The following PFDN1 variants were observed in gnomAD, a reference collection of about 807,000 sequenced individuals.
PFDN1 encodes prefoldin 1.
PFDN1 carries 6 observed loss-of-function variants against 17.3 expected under a neutral mutation model. The observed-to-expected ratio is 0.35, with a 90% CI of 0.19 to 0.69. The LOEUF (loss-of-function observed/expected upper bound fraction) is 0.69. Among genes scored for constraint, PFDN1 ranks in the 30% least tolerant of loss-of-function variants. The probability of loss-of-function intolerance (pLI) is 0.65; values close to 1 mark genes in which losing one functional copy is unlikely to be tolerated. For missense variants in PFDN1, 113 were observed against 146.2 expected, an observed-to-expected ratio of 0.77 and a Z score of 1.17; for synonymous variants, 58 against 50.1, an observed-to-expected ratio of 1.16 and a Z score of -0.67.
intron 2 of PFDN1, among the ~76,000 whole-genome samples, chr5:140,287,515 A>T (rs557316431): frequency 6.6e-6 from 1 of 152,296 alleles, no homozygotes; most frequent in African/African-American, 2.4e-5. Context: ...TCTCCAATAA[A>T]AGGAATCAGG....
At position 140,280,468 on chromosome 5, in the gene PFDN1, C is replaced by T. The variant is rs138751345; in HGVS notation, c.285+981G>A. Reference sequence around the variant, plus strand: ...TTTTTTGTCTTGTTTTTACAATACACTTTTCTAAGCTGCAAATCTATTATC... The same window carrying T: ...TTTTTTGTCTTGTTTTTACAATACATTTTTCTAAGCTGCAAATCTATTATC... On this transcript the variant is annotated intron_variant, in intron 3 of 3. Transcript: ENST00000261813. Among the ~76,000 whole-genome samples the T allele has an allele frequency of 1.7e-3, 263 of 152,268 alleles. 2 individuals carry two copies. Among genetic ancestry groups the T allele is most frequent in the African/African-American group, 6.0e-3 (250 of 41,534 alleles).
At chr5:140,291,677 A>G (rs1213902442) in intron 2 of PFDN1, among the ~76,000 whole-genome samples, 1 of 151,858 alleles carries the variant, frequency 6.6e-6, no homozygotes, top group African/African-American at 2.4e-5. Context: ...GACAAAAAAA[A>G]AGAAAAAAAA....
At chr5:140,286,749 G>C (rs897534774) in intron 2 of PFDN1, among the ~76,000 whole-genome samples, 7 of 151,876 alleles carry the variant, frequency 4.6e-5, no homozygotes, top group African/African-American at 1.7e-4. Context: ...AGGATTATGG[G>C]TGCCTGCCAC....
rs114592926 is a variant in PFDN1, at chr5:140,302,025, C to T, written c.33+1016G>A. ...ACACATAATATCCTCACAACACTAA[C>T]AAAAGCTTCATTTGTTAGAAGCAAC... On this transcript the variant is annotated intron_variant, in intron 1 of 3. Transcript: ENST00000261813. 2.3e-3 allele frequency among the ~76,000 whole-genome samples: 347 copies of T among 152,314 alleles called. 2 individuals are homozygous for T. Among genetic ancestry groups the T allele is most frequent in the Middle Eastern group, 3.4e-3 (1 of 294 alleles).
At chr5:140,287,220 C>T (rs1034819882) in intron 2 of PFDN1, among the ~76,000 whole-genome samples, 2 of 152,068 alleles carry the variant, frequency 1.3e-5, no homozygotes, top group African/African-American at 4.8e-5. Context: ...TGGTAGGAGC[C>T]GGGTTTCTCA....
chr5:140,249,150 G>A (rs560427379), intron 3 of PFDN1, among the ~76,000 whole-genome samples: 6 of 152,356 alleles, frequency 3.9e-5, no homozygotes, highest in African/African-American at 1.4e-4. Flanking sequence ...GGCACCTGTT[G>A]TGGGTTGAAC....
intron 3 of PFDN1, among the ~76,000 whole-genome samples, chr5:140,271,446 G>C (rs1036106656): frequency 2.0e-5 from 3 of 152,106 alleles, no homozygotes; most frequent in Non-Finnish European, 4.4e-5. Flanking sequence ...AACAACGTAG[G>C]AAAGAGATTA....
chr5:140,289,704 C>T (rs1050829702), intron 2 of PFDN1, among the ~76,000 whole-genome samples: 1 of 152,184 alleles, frequency 6.6e-6, no homozygotes, highest in Non-Finnish European at 1.5e-5. Context: ...ATCACTTCTA[C>T]TTGTATGTTC....
At chr5:140,273,475 T>C (rs1662688166) in intron 3 of PFDN1, among the ~76,000 whole-genome samples, 1 of 152,100 alleles carries the variant, frequency 6.6e-6, no homozygotes. Context: ...TCCTCAATCA[T>C]GGGAATCCCT....
Position 140,269,866 on chromosome 5 carries a change from A to C in PFDN1, c.285+11583T>G, listed in dbSNP as rs541020409. Among the ~76,000 whole-genome samples, 5 of 152,268 alleles carry C rather than the reference A, an allele frequency of 3.3e-5. No homozygotes were observed. The East Asian group carries it at 7.7e-4, about 23-fold the overall frequency. Reference sequence around the variant, plus strand: ...CGTACAGCAAGAGTTAGAATGAAGAACTCCTAAATTAACATAAGGCTTTTA... The same window carrying C: ...CGTACAGCAAGAGTTAGAATGAAGACCTCCTAAATTAACATAAGGCTTTTA... On this transcript the variant is annotated intron_variant, in intron 3 of 3. Transcript: ENST00000261813.
At chr5:140,284,357 T>C (rs1266817572) in intron 2 of PFDN1, among the ~76,000 whole-genome samples, 4 of 152,206 alleles carry the variant, frequency 2.6e-5, no homozygotes, top group East Asian at 1.9e-4. Context: ...CAAAAACTTA[T>C]GGAAAGTTTG....
At chr5:140,295,999 A>G (rs1403204548) in intron 2 of PFDN1, among the ~76,000 whole-genome samples, 1 of 152,094 alleles carries the variant, frequency 6.6e-6, no homozygotes, top group Non-Finnish European at 1.5e-5. Context: ...TGGGTTTTCT[A>G]TATTTTTAGT....
At chr5:140,284,722 C>A (rs1279808866) in intron 2 of PFDN1, among the ~76,000 whole-genome samples, 1 of 152,114 alleles carries the variant, frequency 6.6e-6, no homozygotes, top group Non-Finnish European at 1.5e-5. Context: ...AAATAATATG[C>A]AGATAACATG....
At chr5:140,292,486 T>A (rs1765594481) in intron 2 of PFDN1, among the ~76,000 whole-genome samples, 1 of 152,196 alleles carries the variant, frequency 6.6e-6, no homozygotes, top group African/African-American at 2.4e-5. Flanking sequence ...CATGCTCTTA[T>A]CTATTTAAAG....
At position 140,276,331 on chromosome 5, in the gene PFDN1, T is replaced by G. The variant is rs554520462; in HGVS notation, c.285+5118A>C. 1.7e-3 allele frequency among the ~76,000 whole-genome samples: 264 copies of G among 152,272 alleles called. 1 individual carries two copies. The highest frequency in any genetic ancestry group is 6.1e-3 in the African/African-American group (254 of 41,556). ...AAGAAAGAAGCAGCTAACTTAAGAC[T>G]GAGGAATCAGAAAATGGTTCTCAGG... On this transcript the variant is annotated intron_variant, in intron 3 of 3. Coordinates refer to ENST00000261813, the MANE Select transcript of PFDN1 (RefSeq NM_002622.5).
In PFDN1 at chr5:140,245,995, C is replaced by T. The variant is rs764254781; in HGVS notation, c.348G>A (p.Leu116=). ...CTCCCTACTGGGCCCTTCGTGCCAT[C>T]AGCATCTCCCGGATGTTGTCCTCAG... ...KEAEDNIREM[L]MARRAQ Residue 116 remains leucine (L), a synonymous_variant, in exon 4 of 4, where the codon CTG becomes CTA. Transcript: ENST00000261813. The T allele has an allele frequency of 6.4e-7, 1 of 1,559,848 alleles. No homozygotes were observed. The highest frequency in any genetic ancestry group is 2.4e-5 in the East Asian group (1 of 42,148).
At chr5:140,289,225 G>A (rs1765544782) in intron 2 of PFDN1, among the ~76,000 whole-genome samples, 1 of 151,590 alleles carries the variant, frequency 6.6e-6, no homozygotes, top group South Asian at 2.1e-4. Flanking sequence ...GGTCAAGGGT[G>A]CAGTAAGCCA....
intron 2 of PFDN1, among the ~76,000 whole-genome samples, chr5:140,289,878 T>G (rs956818162): frequency 3.9e-5 from 6 of 152,184 alleles, no homozygotes; most frequent in Non-Finnish European, 1.5e-5. Flanking sequence ...AATTTATCAC[T>G]TTCTCTCATA....
intron 3 of PFDN1, among the ~76,000 whole-genome samples, chr5:140,268,886 A>G (rs998633814): frequency 6.6e-6 from 1 of 152,236 alleles, no homozygotes; most frequent in Non-Finnish European, 1.5e-5. Flanking sequence ...CATTACATGG[A>G]CATCTCTGTG....
Sources: gnomAD v4.1 joint callset for allele counts (sites outside exome capture counted in the v4.1 genomes callset) on GRCh38, gnomAD v4.1.1 for gene constraint, MANE v1.5 for transcripts, NCBI Gene and HGNC (gene_info 2026-07-23, HGNC 2026-07-21) for gene names.